Variants in MEI4 observed in about 807,000 individuals in gnomAD.
The protein encoded by MEI4 is meiotic double-stranded break formation protein 4.
In MEI4, 27 loss-of-function variants were observed where a neutral mutation model predicts 31.4. That is an observed-to-expected ratio of 0.86 (90% confidence interval 0.63 to 1.19). The LOEUF (loss-of-function observed/expected upper bound fraction) is 1.19, where lower values mean the gene tolerates loss of function less well. MEI4 is among the 50% of genes most tolerant of loss of function. The pLI, the probability that MEI4 is intolerant of heterozygous loss-of-function variation, is 0.00. For synonymous variants in MEI4, 122 were observed against 145.4 expected, an observed-to-expected ratio of 0.84 and a Z score of 1.16; for missense variants, 329 against 398.9, an observed-to-expected ratio of 0.82 and a Z score of 1.49.
At chr6:77,689,288 A>T (rs193167942) in intron 1 of MEI4, among the ~76,000 whole-genome samples, 167 of 152,086 alleles carry the variant, frequency 1.1e-3, no homozygotes, top group African/African-American at 2.7e-3. Context: ...TAAAAATCTA[A>T]TTTTTAATGG....
At chr6:77,737,260 T>A (rs188696767) in intron 2 of MEI4, among the ~76,000 whole-genome samples, 1 of 152,292 alleles carries the variant, frequency 6.6e-6, no homozygotes, top group African/African-American at 2.4e-5. Flanking sequence ...TTAGACAGAG[T>A]AATTAGGCAT....
At position 77,761,303 on chromosome 6, in the gene MEI4, G is replaced by T. The variant is rs1768039071; in HGVS notation, c.406G>T (p.Val136Leu). Residue 136 changes from valine to leucine, a missense_variant, in exon 3 of 5, where the codon GTG (valine) becomes TTG (leucine). Val to Leu is a conservative substitution (Grantham distance 32, BLOSUM62 1). Coordinates refer to ENST00000684080, the MANE Select transcript of MEI4 (RefSeq NM_001322247.2). ...TPTHFPPLPL[V>L]KRPCAILQNP... ...CACTCACTTTCCACCACTGCCTCTT[G>T]TGAAAAGACCTTGTGCTATCCTGCA... is the stretch of plus-strand genomic sequence containing the variant. 1.6e-6 allele frequency: 2 copies of T among 1,232,490 alleles called. No homozygotes were observed. The highest frequency in any genetic ancestry group is 2.0e-6 in the Non-Finnish European group (2 of 988,050). 76.3% of individuals were successfully genotyped at this position (1,232,490 alleles called of 1,614,324 possible).
chr6:77,900,004 G>T (rs12665743), intron 4 of MEI4, among the ~76,000 whole-genome samples: 21,177 of 150,900 alleles, frequency 0.14, 1,727 homozygotes, highest in East Asian at 0.39. Flanking sequence ...CAAAATACAG[G>T]CAATGAAAAC....
At position 77,881,194 on chromosome 6, in the gene MEI4, G is replaced by C. The variant is rs909413861; in HGVS notation, c.901-41895G>C. On this transcript the variant is annotated intron_variant, in intron 4 of 4. Coordinates refer to ENST00000684080, the MANE Select transcript of MEI4 (RefSeq NM_001322247.2). ...GTGAATAAACAAAAAAGCCTTCTAT[G>C]TTCAAAATGTTGTGGTAAACAGACT... is the stretch of plus-strand genomic sequence containing the variant. Among the ~76,000 whole-genome samples, 4 of 151,506 alleles carry C rather than the reference G, an allele frequency of 2.6e-5. No individual in the cohort carries two copies. In the South Asian group the frequency reaches 8.3e-4, roughly 31 times the overall value.
At chr6:77,694,062 G>A (rs1002041232) in intron 2 of MEI4, among the ~76,000 whole-genome samples, 3 of 151,860 alleles carry the variant, frequency 2.0e-5, no homozygotes, top group Admixed American at 6.6e-5. Context: ...AAACAAGGAA[G>A]AAAGTATGAT....
At chr6:77,667,838 G>A (rs1035219967) in intron 1 of MEI4, among the ~76,000 whole-genome samples, 17 of 152,046 alleles carry the variant, frequency 1.1e-4, no homozygotes, top group Non-Finnish European at 2.4e-4. Flanking sequence ...GTTTGTTAGG[G>A]AGGCAGCAAG....
At chr6:77,915,325 A>G (rs1449954543) in intron 4 of MEI4, among the ~76,000 whole-genome samples, 1 of 152,104 alleles carries the variant, frequency 6.6e-6, no homozygotes, top group Non-Finnish European at 1.5e-5. Flanking sequence ...GGGCCAGTCT[A>G]ATGGTGATGA....
At chr6:77,715,089 T>C (rs1766549379) in intron 2 of MEI4, among the ~76,000 whole-genome samples, 1 of 152,206 alleles carries the variant, frequency 6.6e-6, no homozygotes, top group African/African-American at 2.4e-5. Flanking sequence ...TTAAACAGAA[T>C]ACAGTATGAG....
chr6:77,738,149 G>A (rs948220342), intron 2 of MEI4, among the ~76,000 whole-genome samples: 1 of 152,178 alleles, frequency 6.6e-6, no homozygotes, highest in Non-Finnish European at 1.5e-5. Flanking sequence ...GTTTCGGAGA[G>A]AAAGTGACAA....
chr6:77,663,971 G>A (rs1183194027), intron 1 of MEI4, among the ~76,000 whole-genome samples: 3 of 152,154 alleles, frequency 2.0e-5, no homozygotes, highest in African/African-American at 7.2e-5. Context: ...GAGGAATCCC[G>A]GGCTGCGGGC....
At chr6:77,792,208 A>C (rs1768955631) in intron 3 of MEI4, among the ~76,000 whole-genome samples, 1 of 152,220 alleles carries the variant, frequency 6.6e-6, no homozygotes, top group African/African-American at 2.4e-5. Context: ...ATTGATGGAC[A>C]ATTAAGTTGA....
intron 2 of MEI4, among the ~76,000 whole-genome samples, chr6:77,693,169 A>G (rs533560338): frequency 2.0e-5 from 3 of 152,222 alleles, no homozygotes; most frequent in African/African-American, 7.2e-5. Context: ...CAAAAATAGT[A>G]TTACACAATT....
At chr6:77,834,943 T>G (rs1770178895) in intron 4 of MEI4, among the ~76,000 whole-genome samples, 1 of 152,126 alleles carries the variant, frequency 6.6e-6, no homozygotes, top group Non-Finnish European at 1.5e-5. Context: ...CCCTAATCTT[T>G]CTGGATCCTA....
At chr6:77,823,450 G>A (rs1469833576) in intron 3 of MEI4, among the ~76,000 whole-genome samples, 2 of 152,200 alleles carry the variant, frequency 1.3e-5, no homozygotes, top group South Asian at 2.1e-4. Flanking sequence ...GTTAGTTCCA[G>A]TGGTCATTTC....
At chr6:77,888,408 G>T in intron 4 of MEI4, among the ~76,000 whole-genome samples, 1 of 139,828 alleles carries the variant, frequency 7.2e-6, no homozygotes. Flanking sequence ...TGACTCCTTT[G>T]TTTTTCTTAT....
At chr6:77,650,879 G>T (rs1458847023), upstream of MEI4, among the ~76,000 whole-genome samples, 1 of 152,206 alleles carries the variant, frequency 6.6e-6, no homozygotes, top group Non-Finnish European at 1.5e-5. Context: ...TGGTTCCTGA[G>T]CTTGGAAGAG....
rs766190797 is a variant in MEI4, at chr6:77,891,988, G to A, written c.901-31101G>A. On this transcript the variant is annotated intron_variant, in intron 4 of 4. Transcript: ENST00000684080. ...TGGGGACAGGAGCATCAAGAGGGCA[G>A]GTCCTTGGGCACAGGTTTGCCAGTT... Among the ~76,000 whole-genome samples the A allele has an allele frequency of 3.3e-5, 5 of 152,216 alleles. No homozygotes were observed. The East Asian group carries it at 5.8e-4, about 18-fold the overall frequency.
At chr6:77,906,788 A>T (rs1293428325) in intron 4 of MEI4, among the ~76,000 whole-genome samples, 2 of 152,182 alleles carry the variant, frequency 1.3e-5, no homozygotes, top group Non-Finnish European at 2.9e-5. Flanking sequence ...TGGTAACTGT[A>T]TGCAAGGCAT....
At chr6:77,696,897 G>C (rs1436766299) in intron 2 of MEI4, among the ~76,000 whole-genome samples, 1 of 152,146 alleles carries the variant, frequency 6.6e-6, no homozygotes. Flanking sequence ...TCTGGTCCTG[G>C]ACCTCTTTTT....
Sources: allele counts gnomAD v4.1 joint callset (sites outside exome capture counted in the v4.1 genomes callset), GRCh38; gene constraint gnomAD v4.1.1; transcripts MANE v1.5; gene names NCBI Gene and HGNC (gene_info 2026-07-23, HGNC 2026-07-21).